Variants in CEP290 observed in about 807,000 individuals in gnomAD.
CEP290 encodes the protein centrosomal protein 290.
CEP290 carries 317 observed loss-of-function variants against 344.9 expected under a neutral mutation model. That is an observed-to-expected ratio of 0.92 (90% CI 0.84 to 1.01). The LOEUF is 1.01. Ranked by LOEUF, CEP290 falls within the 50% of genes least tolerant of loss-of-function variation. The pLI, the probability that CEP290 is intolerant of heterozygous loss-of-function variation, is 0.00. For synonymous variants in CEP290, 932 were observed against 895.8 expected (o/e 1.04, Z -0.72); for missense variants, 2,754 against 2,761.4 (o/e 1.00, Z 0.06).
chr12:88,121,775 AG>A (rs887949815), intron 13 of CEP290, among the ~76,000 whole-genome samples: 1 of 152,118 alleles, frequency 6.6e-6, no homozygotes, highest in Non-Finnish European at 1.5e-5. Flanking sequence ...GGTTCCTGAT[AG>A]GGGATATTTG....
At chr12:88,094,717 GA>G (rs142986021) in intron 27 of CEP290, among the ~76,000 whole-genome samples, 1 of 151,372 alleles carries the variant, frequency 6.6e-6, no homozygotes, top group South Asian at 2.1e-4. Context: ...ACATGGTCTA[GA>G]AAAAAAACAA....
chr12:88,060,922 C>G lies in CEP290; in HGVS notation c.6430G>C (p.Val2144Leu). 3 of 1,556,050 alleles carry G rather than the reference C, an allele frequency of 1.9e-6. No homozygotes were observed. Among genetic ancestry groups the G allele is most frequent in the Non-Finnish European group, 2.6e-6 (3 of 1,149,142 alleles). Reference sequence around the variant, plus strand: ...TTCAACTGTTCATTTTCTCTCTGGACTTTTTCAACTACTTTTTTCATTAAA... The same window carrying G: ...TTCAACTGTTCATTTTCTCTCTGGAGTTTTTCAACTACTTTTTTCATTAAA... ...IGLMKKVVEK[V>L]QRENEQLKKA... is the part of the protein sequence containing the mutation. Residue 2144 changes from valine to leucine, a missense_variant, in exon 47 of 54, where the codon GTC becomes CTC. Val to Leu is a conservative substitution (Grantham distance 32). Coordinates refer to ENST00000552810, the MANE Select transcript of CEP290 (RefSeq NM_025114.4).
Position 88,058,915 on chromosome 12 carries a change from C to A in CEP290, c.6751G>T (p.Ala2251Ser). 1 of 1,613,936 alleles carries A rather than the reference C, an allele frequency of 6.2e-7. No homozygotes were observed. Among genetic ancestry groups the A allele is most frequent in the Non-Finnish European group, 8.5e-7 (1 of 1,179,874 alleles). Reference protein sequence around the residue: ...LEETGKRLQFAESRGPQLEGA... With the variant: ...LEETGKRLQFSESRGPQLEGA... ...TCAAGCTGTGGACCTCTGCTTTCTG[C>A]AAACTGCAATCTCTTACCAGTCTCT... Residue 2251 changes from alanine to serine, a missense_variant, in exon 49 of 54, where the codon GCA becomes TCA. By Grantham distance (99) the Ala-to-Ser change is moderately conservative. Coordinates refer to ENST00000552810, the MANE Select transcript of CEP290 (RefSeq NM_025114.4).
At chr12:88,122,740 G>T (rs7135899) in intron 13 of CEP290, among the ~76,000 whole-genome samples, 7,509 of 152,118 alleles carry the variant, frequency 0.049, 630 homozygotes, top group African/African-American at 0.17. Flanking sequence ...TTTTAAAGCA[G>T]TTTAAACTAC....
rs114526714 is a variant in CEP290 at position 88,061,285 on chromosome 12, G to T, written c.6358-291C>A. Among the ~76,000 whole-genome samples the T allele has an allele frequency of 7.5e-3, 1,145 of 152,198 alleles. 19 individuals carry two copies. Among genetic ancestry groups the T allele is most frequent in the African/African-American group, 0.026 (1,099 of 41,544 alleles). On this transcript the variant is annotated intron_variant, in intron 46 of 53. Transcript: ENST00000552810. Reference sequence around the variant, plus strand: ...TGATCAAAATGATTAAGTCTAAATAGTCTATTTAGCTAATGTTCTCTCCAG... The same window carrying T: ...TGATCAAAATGATTAAGTCTAAATATTCTATTTAGCTAATGTTCTCTCCAG...
chr12:88,137,786 G>A lies in CEP290; in HGVS notation c.298-1000C>T, dbSNP rs141097345. ...GATTCCAAATACATGAGGGTCAGAA[G>A]AAGGTGTTGGTGCTTCTAGGTTTAC... On this transcript the variant is annotated intron_variant, in intron 5 of 53. Coordinates refer to ENST00000552810, the MANE Select transcript of CEP290 (RefSeq NM_025114.4). 2.2e-4 allele frequency among the ~76,000 whole-genome samples: 33 copies of A among 152,280 alleles called. No individual in the cohort carries two copies. In the East Asian group the frequency reaches 6.4e-3, roughly 29 times the overall value.
rs774740127 is a variant in CEP290 at position 88,120,234 on chromosome 12, A to C, written c.1402T>G (p.Cys468Gly). The change falls in exon 15 of 54, where the codon TGT (cysteine) becomes GGT (glycine). Residue 468 changes from cysteine to glycine, a missense_variant. Cys to Gly is a radical substitution (Grantham distance 159). Transcript: ENST00000552810. ...TCTCTTATTTTAATTTGGTTTTTAC[A>C]ATTCTTTATTTCAACGACAGCATCT... is the stretch of plus-strand genomic sequence containing the variant. ...LEDAVVEIKN[C>G]KNQIKIRDRE... 2 of 1,498,964 alleles carry C rather than the reference A, an allele frequency of 1.3e-6. No homozygotes were observed. Among genetic ancestry groups the C allele is most frequent in the East Asian group, 2.4e-5 (1 of 40,948 alleles). The allele number at this position is 1,498,964 out of a possible 1,614,324, so 92.9% of individuals were successfully genotyped here.
At chr12:88,104,619 ACTAT>A (rs2038138129) in intron 25 of CEP290, among the ~76,000 whole-genome samples, 1 of 151,994 alleles carries the variant, frequency 6.6e-6, no homozygotes, top group Non-Finnish European at 1.5e-5. Context: ...AATGAGCCTA[ACTAT>A]ATATCAAATG....
intron 41 of CEP290, among the ~76,000 whole-genome samples, chr12:88,076,625 T>TTAC (rs1452379427): frequency 7.7e-6 from 1 of 129,148 alleles, no homozygotes; most frequent in Non-Finnish European, 1.7e-5. Flanking sequence ...TTTGGGGTTA[T>TTAC]TTCAATCAGT....
chr12:88,129,197 T>C (rs1186129068), intron 10 of CEP290, among the ~76,000 whole-genome samples, 162 bp from the exon 11 acceptor site: 1 of 151,830 alleles, frequency 6.6e-6, no homozygotes, highest in East Asian at 1.9e-4. Context: ...ACATTACATA[T>C]GTGTATTTAT....
intron 33 of CEP290, 61 bp from the exon 34 acceptor site, chr12:88,086,234 T>A: frequency 1.3e-6 from 2 of 1,574,084 alleles, no homozygotes; most frequent in South Asian, 1.2e-5. Flanking sequence ...AACTATTAAT[T>A]TTTACAGCTG....
intron 43 of CEP290, among the ~76,000 whole-genome samples, chr12:88,070,083 A>G (rs1452763796): frequency 1.3e-5 from 2 of 152,178 alleles, no homozygotes; most frequent in African/African-American, 4.8e-5. Context: ...ACTTGGAAAG[A>G]GATTGTAAAG....
In CEP290 at chr12:88,095,231, G is replaced by T. The variant is rs75220045; in HGVS notation, c.3104-1256C>A. Reference sequence around the variant, plus strand: ...AAAGCACATCACAAAGGCTGAAGCAGACTAGCCATCTTGTATGTTTTTGGG... The same window carrying T: ...AAAGCACATCACAAAGGCTGAAGCATACTAGCCATCTTGTATGTTTTTGGG... On this transcript the variant is annotated intron_variant, in intron 27 of 53. Coordinates refer to ENST00000552810, the MANE Select transcript of CEP290 (RefSeq NM_025114.4). Among the ~76,000 whole-genome samples the T allele has an allele frequency of 7.5e-3, 1,143 of 152,248 alleles. 20 individuals are homozygous for T. The highest frequency in any genetic ancestry group is 0.026 in the African/African-American group (1,097 of 41,558).
intron 22 of CEP290, among the ~76,000 whole-genome samples, chr12:88,110,953 G>C (rs915485471): frequency 2.0e-5 from 3 of 151,640 alleles, no homozygotes; most frequent in Non-Finnish European, 2.9e-5. Context: ...TGGAATGAAT[G>C]GTATAAATTG....
rs769988157 is a variant in CEP290, at chr12:88,077,853, G to A, written c.5430C>T (p.Asn1810=). The A allele has an allele frequency of 6.9e-7, 1 of 1,453,088 alleles. No individual in the cohort carries two copies. The highest frequency in any genetic ancestry group is 9.4e-7 in the Non-Finnish European group (1 of 1,066,392). The allele number at this position is 1,453,088 out of a possible 1,614,324, so 90.0% of individuals were successfully genotyped here. Reference sequence around the variant, plus strand: ...AATTATCAGTTAGTGAGTTTTCTCTGTTTTTACTTGTTTTAAGTGCTTCTT... The same window carrying A: ...AATTATCAGTTAGTGAGTTTTCTCTATTTTTACTTGTTTTAAGTGCTTCTT... ...KLKEALKTSK[N]RENSLTDNLN... The change falls in exon 40 of 54, where the codon AAC becomes AAT. Residue 1810 remains asparagine, a synonymous_variant. Transcript: ENST00000552810.
intron 21 of CEP290, among the ~76,000 whole-genome samples, 151 bp from the exon 22 acceptor site, chr12:88,111,502 G>A (rs1367720641): frequency 1.3e-5 from 2 of 151,972 alleles, no homozygotes; most frequent in African/African-American, 4.8e-5. Flanking sequence ...TAGAATTTTT[G>A]TATTCTTTTC....
Position 88,092,819 on chromosome 12 carries a change from T to A in CEP290, c.3323A>T (p.Asn1108Ile). Residue 1108 changes from asparagine to isoleucine, a missense_variant, in exon 29 of 54, where the codon AAT becomes ATT. Asn to Ile is a moderately radical substitution (Grantham distance 149). Transcript: ENST00000552810. ...ETKFAELTKINLDAQKVEQML... is the reference protein window; with the variant it reads ...ETKFAELTKIILDAQKVEQML... ...CTGTTCCACCTTCTGTGCATCCAAATTGATTTTGGTAAGCTAAGGAAATGT... is the reference window on the plus strand; with the variant it reads ...CTGTTCCACCTTCTGTGCATCCAAAATGATTTTGGTAAGCTAAGGAAATGT... The A allele has an allele frequency of 6.2e-7, 1 of 1,608,952 alleles. No homozygotes were observed. The highest frequency in any genetic ancestry group is 8.5e-7 in the Non-Finnish European group (1 of 1,178,162).
At chr12:88,101,056 A>G (rs2037833662) in intron 26 of CEP290, among the ~76,000 whole-genome samples, 1 of 152,186 alleles carries the variant, frequency 6.6e-6, no homozygotes, top group Non-Finnish European at 1.5e-5. Flanking sequence ...ATTCATGTTT[A>G]GAATGATCAT....
chr12:88,091,371 A>C (rs2037025774), intron 29 of CEP290, among the ~76,000 whole-genome samples: 1 of 148,306 alleles, frequency 6.7e-6, no homozygotes, highest in South Asian at 2.2e-4. Context: ...AGTAATGTGA[A>C]AAGAAACAAA....
Sources: allele counts gnomAD v4.1 joint callset (sites outside exome capture counted in the v4.1 genomes callset), GRCh38; gene constraint gnomAD v4.1.1; transcripts MANE v1.5; gene names NCBI Gene and HGNC (gene_info 2026-07-23, HGNC 2026-07-21).